DLGAP2: variants seen among roughly 807,000 people sequenced by gnomAD.
The protein encoded by DLGAP2 is DLG associated protein 2.
Under a neutral mutation model 100.3 loss-of-function variants are expected in DLGAP2, and 26 were observed. The observed-to-expected ratio is 0.26, with a 90% CI of 0.19 to 0.36. The LOEUF is 0.36. DLGAP2 is among the 10% of genes least tolerant of loss of function. The pLI, the probability that DLGAP2 is intolerant of heterozygous loss-of-function variation, is 1.00. For missense variants in DLGAP2, 1,858 were observed against 1,453.2 expected (o/e 1.28, Z -4.53); for synonymous variants, 886 against 630.1 (o/e 1.41, Z -6.08).
chr8:803,915 T>C lies in DLGAP2; in HGVS notation c.18+66090T>C, dbSNP rs1796217999. ...GCACTTAGGGCTTTCAAAAGAAATTTGGAGTCAGATTATGGATAGAAAGAT... is the reference window on the plus strand; with the variant it reads ...GCACTTAGGGCTTTCAAAAGAAATTCGGAGTCAGATTATGGATAGAAAGAT... On this transcript the variant is annotated intron_variant, in intron 1 of 14. Coordinates refer to ENST00000637795, the MANE Select transcript of DLGAP2 (RefSeq NM_001346810.2). 3.9e-5 allele frequency among the ~76,000 whole-genome samples: 6 copies of C among 152,214 alleles called. No individual in the cohort carries two copies. In the South Asian group the frequency reaches 1.2e-3, roughly 32 times the overall value.
At chr8:783,399 G>A (rs776505000) in intron 1 of DLGAP2, among the ~76,000 whole-genome samples, 2 of 152,212 alleles carry the variant, frequency 1.3e-5, no homozygotes, top group Non-Finnish European at 2.9e-5. Flanking sequence ...GGAATCTCAT[G>A]ATATTACATA....
At chr8:1,257,003 G>T (rs1241873858) in intron 2 of DLGAP2, among the ~76,000 whole-genome samples, 9 of 152,098 alleles carry the variant, frequency 5.9e-5, no homozygotes, top group African/African-American at 1.9e-4. Flanking sequence ...GCGTCCGATG[G>T]CTTCTACTTC....
chr8:1,583,321 A>G (rs956311246), intron 6 of DLGAP2, among the ~76,000 whole-genome samples: 2 of 152,120 alleles, frequency 1.3e-5, no homozygotes, highest in African/African-American at 4.8e-5. Context: ...ATCTGAGAAG[A>G]GCTCAGAAGA....
In DLGAP2 at chr8:1,125,160, C is replaced by T. The variant is rs181440472; in HGVS notation, c.74-133691C>T. On this transcript the variant is annotated intron_variant, in intron 2 of 14. Coordinates refer to ENST00000637795, the MANE Select transcript of DLGAP2 (RefSeq NM_001346810.2). ...CTTTAAATATTTCCCCGCTAGGATG[C>T]ATGGCCTTGCATTGACAAAATGAGA... Among the ~76,000 whole-genome samples the T allele has an allele frequency of 2.7e-3, 406 of 152,350 alleles. 4 individuals are homozygous for T. The highest frequency in any genetic ancestry group is 0.01 in the Middle Eastern group (3 of 294).
chr8:1,601,998 T>G (rs1418967263), intron 6 of DLGAP2, among the ~76,000 whole-genome samples: 1 of 147,754 alleles, frequency 6.8e-6, no homozygotes, highest in Non-Finnish European at 1.5e-5. Context: ...CGTGCTACCT[T>G]CTTGCTTGTG....
intron 10 of DLGAP2, among the ~76,000 whole-genome samples, chr8:1,672,701 C>T (rs1798720796): frequency 6.6e-6 from 1 of 152,066 alleles, no homozygotes; most frequent in East Asian, 1.9e-4. Context: ...GAGCTCCAAG[C>T]CTCACAGGCA....
chr8:1,246,153 G>C (rs996693644), intron 2 of DLGAP2, among the ~76,000 whole-genome samples: 1 of 152,088 alleles, frequency 6.6e-6, no homozygotes, highest in African/African-American at 2.4e-5. Context: ...TGAATGCTTT[G>C]TAATTACTCC....
intron 4 of DLGAP2, among the ~76,000 whole-genome samples, chr8:1,543,026 A>G (rs910666187): frequency 6.6e-6 from 1 of 152,136 alleles, no homozygotes; most frequent in African/African-American, 2.4e-5. Context: ...AGAAATATTC[A>G]GCTCCTATGC....
At chr8:1,676,909 C>T (rs1044906870) in intron 11 of DLGAP2, among the ~76,000 whole-genome samples, 4 of 152,186 alleles carry the variant, frequency 2.6e-5, no homozygotes, top group African/African-American at 7.2e-5. Flanking sequence ...GAAAGAAGGA[C>T]GGGCTGAGGG....
chr8:1,434,824 T>A (rs941923260), intron 3 of DLGAP2, among the ~76,000 whole-genome samples: 2 of 152,152 alleles, frequency 1.3e-5, no homozygotes, highest in Non-Finnish European at 2.9e-5. Flanking sequence ...ATGAGTAACA[T>A]GCATTATCGT....
intron 1 of DLGAP2, among the ~76,000 whole-genome samples, chr8:863,671 C>T (rs1000177023): frequency 5.9e-5 from 9 of 152,196 alleles, no homozygotes; most frequent in African/African-American, 1.2e-4. Flanking sequence ...AAAACCACAA[C>T]GAGCTGTCCC....
intron 2 of DLGAP2, among the ~76,000 whole-genome samples, chr8:1,175,335 G>T (rs1398964077): frequency 1.3e-5 from 2 of 152,140 alleles, no homozygotes; most frequent in Non-Finnish European, 2.9e-5. Context: ...TTAGTTTTCT[G>T]TGAATCTCTG....
intron 6 of DLGAP2, among the ~76,000 whole-genome samples, chr8:1,609,647 C>T (rs1188496056): frequency 8.6e-6 from 1 of 116,290 alleles, no homozygotes; most frequent in Non-Finnish European, 1.9e-5. Flanking sequence ...AAACCCATCT[C>T]ACGTGCAGAG....
At chr8:1,693,525 T>C (rs918946526) in intron 13 of DLGAP2, among the ~76,000 whole-genome samples, 2 of 152,168 alleles carry the variant, frequency 1.3e-5, no homozygotes, top group Non-Finnish European at 2.9e-5. Context: ...CAAATGCAAA[T>C]AGGTCTTCTC....
chr8:1,255,008 T>C (rs373420934), intron 2 of DLGAP2, among the ~76,000 whole-genome samples: 1,276 of 32,814 alleles, frequency 0.039, 47 homozygotes, highest in African/African-American at 0.071. Flanking sequence ...TCATCCTGCT[T>C]GGGCGCTGTG....
Position 1,678,553 on chromosome 8 carries a change from C to T in DLGAP2, c.2628C>T (p.His876=), listed in dbSNP as rs556653998. The change falls in exon 12 of 15, where the codon CAC becomes CAT. Residue 876 remains histidine, a synonymous_variant. Coordinates refer to ENST00000637795, the MANE Select transcript of DLGAP2 (RefSeq NM_001346810.2). ...GCTCGTGGTTTTTGAAGCTGCTGCA[C>T]GCAGAGACAAAGAGGATGGAAGGCT... The part of the protein sequence containing the change: ...RDGSWFLKLL[H]AETKRMEGWC... The T allele has an allele frequency of 9.4e-5, 150 of 1,591,830 alleles. No individual in the cohort carries two copies. The Admixed American group carries it at 2.3e-3, about 25-fold the overall frequency.
intron 2 of DLGAP2, among the ~76,000 whole-genome samples, chr8:1,007,652 G>C (rs532073125): frequency 6.8e-4 from 101 of 149,146 alleles, no homozygotes; most frequent in South Asian, 1.5e-3. Context: ...GGGATCTTCT[G>C]TGAGTCAACT....
chr8:1,041,899 G>A (rs1037983052), intron 2 of DLGAP2, among the ~76,000 whole-genome samples: 3 of 152,188 alleles, frequency 2.0e-5, no homozygotes, highest in Non-Finnish European at 2.9e-5. Context: ...GAAGAATGTC[G>A]GGTAACCATC....
Position 1,626,904 on chromosome 8 carries a change from C to T in DLGAP2, c.1590+17C>T. 1 of 1,574,986 alleles carries T rather than the reference C, an allele frequency of 6.3e-7. No homozygotes were observed. The highest frequency in any genetic ancestry group is 8.6e-7 in the Non-Finnish European group (1 of 1,160,632). On this transcript the variant is annotated intron_variant, in intron 7 of 14. Transcript: ENST00000637795. ...GTGAGCCAGGTCAGGGTCCCTTCGC[C>T]CTTTCTCCCTGGGGTCCAGTCTCCC...
Sources: allele counts gnomAD v4.1 joint callset (sites outside exome capture counted in the v4.1 genomes callset), GRCh38; gene constraint gnomAD v4.1.1; transcripts MANE v1.5; gene names NCBI Gene and HGNC (gene_info 2026-07-23, HGNC 2026-07-21).